Variants in PCDH11X observed in about 807,000 individuals in gnomAD.
The protein encoded by PCDH11X is protocadherin 11 X-linked.
Under a neutral mutation model 53.3 loss-of-function variants are expected in PCDH11X, and 18 were observed. The ratio of observed to expected loss-of-function variants is 0.34; its 90% CI spans 0.23 to 0.50. PCDH11X has a LOEUF of 0.50. Ranked by LOEUF, PCDH11X falls within the 20% of genes least tolerant of loss-of-function variation. PCDH11X has a pLI of 0.98. For missense variants in PCDH11X, 570 were observed against 1,032.4 expected (o/e 0.55, Z 6.14); for synonymous variants, 279 against 393.3 (o/e 0.71, Z 3.44).
intron 6 of PCDH11X, among the ~76,000 whole-genome samples, chrX:92,030,090 G>A (rs1379184529): frequency 1.8e-5 from 2 of 111,705 alleles, no homozygotes; most frequent in Non-Finnish European, 3.8e-5. Flanking sequence ...AGCTTCACAA[G>A]TAGCTGGGAC....
chrX:92,257,283 C>A (rs775888297), intron 7 of PCDH11X, among the ~76,000 whole-genome samples: 2 of 111,460 alleles, frequency 1.8e-5, no homozygotes, highest in Non-Finnish European at 3.8e-5. Context: ...CATCTCCCAT[C>A]AGCCCCCACA....
intron 6 of PCDH11X, among the ~76,000 whole-genome samples, chrX:91,925,224 A>C: frequency 9.0e-6 from 1 of 110,984 alleles, no homozygotes; most frequent in African/African-American, 3.3e-5. Flanking sequence ...GAACACTTAC[A>C]TTAGCCCATA....
intron 10 of PCDH11X, among the ~76,000 whole-genome samples, chrX:92,575,905 GTATA>G (rs58574424): frequency 0.12 from 2,925 of 25,357 alleles, 207 homozygotes; most frequent in East Asian, 0.52. Context: ...TACCTGGTGT[GTATA>G]TATATATATA....
intron 10 of PCDH11X, among the ~76,000 whole-genome samples, chrX:92,560,542 C>G (rs961081075): frequency 9.3e-6 from 1 of 107,279 alleles, no homozygotes; most frequent in South Asian, 4.2e-4. Flanking sequence ...TATGGACCTG[C>G]CCTAGGCCAA....
At chrX:92,362,019 C>T (rs1342089182) in intron 8 of PCDH11X, among the ~76,000 whole-genome samples, 1 of 111,023 alleles carries the variant, frequency 9.0e-6, no homozygotes, top group African/African-American at 3.3e-5. Context: ...AAGTGTATAC[C>T]ACATTTCGTT....
chrX:92,160,541 C>A (rs1255250642), intron 6 of PCDH11X, among the ~76,000 whole-genome samples: 1 of 108,527 alleles, frequency 9.2e-6, no homozygotes, highest in Non-Finnish European at 1.9e-5. Context: ...ACCACAGATT[C>A]TTTATCCACT....
At chrX:91,988,733 G>C (rs1444879649) in intron 6 of PCDH11X, among the ~76,000 whole-genome samples, 1 of 112,308 alleles carries the variant, frequency 8.9e-6, no homozygotes, top group Non-Finnish European at 1.9e-5. Flanking sequence ...TGGCTGTCAT[G>C]TGATGCAGTT....
In PCDH11X at chrX:92,618,504, A is replaced by G; in HGVS notation, c.3608A>G (p.Gln1203Arg). 1 of 1,211,423 alleles carries G rather than the reference A, an allele frequency of 8.3e-7. No individual in the cohort carries two copies. The highest frequency in any genetic ancestry group is 3.0e-5 in the East Asian group (1 of 33,813). Residue 1203 changes from glutamine (Q) to arginine (R), a missense_variant, in exon 11 of 11, where the codon CAG (glutamine) becomes CGG (arginine). Physicochemically the swap from Gln to Arg is conservative, Grantham distance 43. Transcript: ENST00000682573. ...IALCHSPPVTQTIALCHSPPP... is the reference protein window; with the variant it reads ...IALCHSPPVTRTIALCHSPPP... The stretch of plus-strand genomic sequence containing the variant: ...CTCTGCCACAGCCCTCCAGTGACAC[A>G]GACCATCGCATTGTGCCACAGCCCA...
At chrX:91,989,800 T>C (rs1403830036) in intron 6 of PCDH11X, among the ~76,000 whole-genome samples, 1 of 110,005 alleles carries the variant, frequency 9.1e-6, no homozygotes, top group Non-Finnish European at 1.9e-5. Context: ...GCTTCTTGGA[T>C]CTGTAGGTTT....
intron 5 of PCDH11X, among the ~76,000 whole-genome samples, chrX:91,858,571 G>T (rs1287855981): frequency 2.7e-5 from 3 of 110,726 alleles, no homozygotes; most frequent in Non-Finnish European, 5.7e-5. Context: ...AACACTGAAT[G>T]CTTTTGACAA....
Position 92,007,214 on chromosome X carries a change from C to G in PCDH11X, c.3033+127941C>G, listed in dbSNP as rs1274603558. ...TTCATGGCAGTGAGGTCCCCCAGAC[C>G]CTATGTGCGTCCAGAAGAACTGTTT... On this transcript the variant is annotated intron_variant, in intron 6 of 10. Coordinates refer to ENST00000682573, the MANE Select transcript of PCDH11X (RefSeq NM_032968.5). Among the ~76,000 whole-genome samples the G allele has an allele frequency of 2.7e-5, 3 of 112,067 alleles. No homozygotes were observed. The South Asian group carries it at 1.1e-3, about 42-fold the overall frequency.
intron 6 of PCDH11X, among the ~76,000 whole-genome samples, chrX:92,143,666 C>T (rs2065224913): frequency 8.9e-6 from 1 of 112,557 alleles, no homozygotes; most frequent in African/African-American, 3.2e-5. Context: ...GGGCGGGGTA[C>T]TCATGGAGCA....
chrX:92,574,559 G>T (rs1324452676), intron 10 of PCDH11X, among the ~76,000 whole-genome samples: 2 of 110,177 alleles, frequency 1.8e-5, no homozygotes, highest in Non-Finnish European at 3.8e-5. Flanking sequence ...AGACAGGAGA[G>T]CAATAATTCA....
intron 10 of PCDH11X, among the ~76,000 whole-genome samples, chrX:92,484,304 T>C (rs1031875412): frequency 2.9e-5 from 3 of 102,635 alleles, no homozygotes; most frequent in African/African-American, 1.1e-4. Context: ...TGTGTGTGTA[T>C]ATATATACAT....
intron 9 of PCDH11X, among the ~76,000 whole-genome samples, chrX:92,453,987 A>T (rs1416622355): frequency 9.6e-6 from 1 of 104,127 alleles, no homozygotes; most frequent in Non-Finnish European, 2.0e-5. Flanking sequence ...ATTAGTTTGA[A>T]TCAATCACTT....
At chrX:92,367,546 G>A (rs1336039434) in intron 8 of PCDH11X, among the ~76,000 whole-genome samples, 1 of 110,896 alleles carries the variant, frequency 9.0e-6, no homozygotes, top group Non-Finnish European at 1.9e-5. Context: ...TTATGATCCT[G>A]GCAGGTTATT....
intron 4 of PCDH11X, among the ~76,000 whole-genome samples, chrX:91,820,846 T>A (rs933911146): frequency 9.8e-6 from 1 of 101,839 alleles, no homozygotes; most frequent in Non-Finnish European, 1.9e-5. Context: ...AATTGATTTT[T>A]ATATAAGGTG....
At chrX:92,461,865 A>G (rs1025980457) in intron 9 of PCDH11X, among the ~76,000 whole-genome samples, 52 of 111,987 alleles carry the variant, frequency 4.6e-4, no homozygotes, top group African/African-American at 1.7e-3. Context: ...CTCAATAGGA[A>G]AAAAGGTGAT....
intron 6 of PCDH11X, among the ~76,000 whole-genome samples, chrX:92,180,640 G>C (rs974866334): frequency 2.7e-5 from 3 of 111,307 alleles, no homozygotes; most frequent in African/African-American, 9.8e-5. Context: ...TTGTGGGAGG[G>C]ACTTGGTGGA....
Sources: gnomAD v4.1 joint callset for allele counts (sites outside exome capture counted in the v4.1 genomes callset) on GRCh38, gnomAD v4.1.1 for gene constraint, MANE v1.5 for transcripts, NCBI Gene and HGNC (gene_info 2026-07-23, HGNC 2026-07-21) for gene names.